The following EPC2 variants were observed in gnomAD, a reference collection of about 807,000 sequenced individuals.
EPC2 encodes enhancer of polycomb homolog 2.
In EPC2, 14 loss-of-function variants were observed where a neutral mutation model predicts 92.1. The observed-to-expected ratio is 0.15, with a 90% CI of 0.10 to 0.24. The LOEUF (loss-of-function observed/expected upper bound fraction) is 0.24. Among genes scored for constraint, EPC2 ranks in the 10% least tolerant of loss-of-function variants. EPC2 has a pLI of 1.00. For synonymous variants in EPC2, 340 were observed against 334.7 expected (o/e 1.02, Z -0.17); for missense variants, 755 against 971.5 (o/e 0.78, Z 2.96).
At chr2:148,685,398 C>G (rs1012452522) in intron 1 of EPC2, among the ~76,000 whole-genome samples, 1 of 152,104 alleles carries the variant, frequency 6.6e-6, no homozygotes, top group Non-Finnish European at 1.5e-5. Context: ...TGGTTCCAAG[C>G]CACCACAATA....
intron 1 of EPC2, among the ~76,000 whole-genome samples, chr2:148,646,175 C>T (rs1297403865): frequency 6.6e-6 from 1 of 152,114 alleles, no homozygotes; most frequent in South Asian, 2.1e-4. Flanking sequence ...TATTGTCAAC[C>T]TCGGGTGTGT....
At chr2:148,773,644 G>C (rs1307489866) in intron 10 of EPC2, among the ~76,000 whole-genome samples, 1 of 151,978 alleles carries the variant, frequency 6.6e-6, no homozygotes, top group Admixed American at 6.6e-5. Flanking sequence ...GATGTCTTTT[G>C]TTTTAAAATA....
At chr2:148,683,297 T>C (rs1235078294) in intron 1 of EPC2, among the ~76,000 whole-genome samples, 2 of 151,824 alleles carry the variant, frequency 1.3e-5, no homozygotes, top group African/African-American at 4.8e-5. Context: ...AGATGGAGTC[T>C]TGCTGTGTTG....
chr2:148,735,317 T>G (rs1682728874), intron 2 of EPC2, among the ~76,000 whole-genome samples: 1 of 152,090 alleles, frequency 6.6e-6, no homozygotes, highest in Non-Finnish European at 1.5e-5. Context: ...CTTGTTACTG[T>G]GAAACTTTAC....
intron 1 of EPC2, among the ~76,000 whole-genome samples, chr2:148,671,009 T>C (rs1368467531): frequency 3.3e-5 from 5 of 152,172 alleles, no homozygotes; most frequent in Admixed American, 6.5e-5. Context: ...TCTTGACTAA[T>C]ACATGAACAA....
intron 1 of EPC2, among the ~76,000 whole-genome samples, chr2:148,660,766 T>A (rs980009713): frequency 6.6e-6 from 1 of 152,010 alleles, no homozygotes; most frequent in East Asian, 1.9e-4. Context: ...TTTAAAAAAA[T>A]AATCTTTTCT....
At chr2:148,774,707 A>G (rs1683592763) in intron 10 of EPC2, among the ~76,000 whole-genome samples, 1 of 151,482 alleles carries the variant, frequency 6.6e-6, no homozygotes, top group Non-Finnish European at 1.5e-5. Flanking sequence ...TAGATGTTAG[A>G]ACTAAAACTA....
At chr2:148,713,366 G>T (rs754667194) in intron 2 of EPC2, among the ~76,000 whole-genome samples, 16 of 152,034 alleles carry the variant, frequency 1.1e-4, no homozygotes, top group Non-Finnish European at 1.6e-4. Flanking sequence ...TTATAAATAA[G>T]AAAAAGCTTA....
At chr2:148,761,229 G>A (rs1182830594) in intron 4 of EPC2, among the ~76,000 whole-genome samples, 2 of 152,160 alleles carry the variant, frequency 1.3e-5, no homozygotes, top group African/African-American at 2.4e-5. Flanking sequence ...AAAATTGACA[G>A]TCCGATTTCT....
intron 2 of EPC2, among the ~76,000 whole-genome samples, chr2:148,720,874 C>T (rs1269638493): frequency 2.6e-5 from 4 of 152,162 alleles, no homozygotes; most frequent in African/African-American, 9.7e-5. Flanking sequence ...AGTATTCACT[C>T]GCCGCTTTCG....
intron 1 of EPC2, among the ~76,000 whole-genome samples, chr2:148,670,841 G>T (rs1264854292): frequency 4.6e-5 from 7 of 151,880 alleles, no homozygotes; most frequent in African/African-American, 1.5e-4. Context: ...TAGCTGGCAC[G>T]TGCCACCTAT....
chr2:148,740,997 T>C (rs1682869910), intron 2 of EPC2, among the ~76,000 whole-genome samples: 1 of 152,150 alleles, frequency 6.6e-6, no homozygotes, highest in Non-Finnish European at 1.5e-5. Flanking sequence ...GCAGATTAGA[T>C]TGACTTTTTA....
intron 2 of EPC2, among the ~76,000 whole-genome samples, chr2:148,730,450 A>C (rs1682594168): frequency 6.6e-6 from 1 of 152,222 alleles, no homozygotes; most frequent in African/African-American, 2.4e-5. Flanking sequence ...TTTAGAGCAA[A>C]GACTGTGGGT....
intron 4 of EPC2, among the ~76,000 whole-genome samples, chr2:148,760,949 G>A (rs2105422538): frequency 6.6e-6 from 1 of 152,288 alleles, no homozygotes. Flanking sequence ...GCATAGATTG[G>A]AGAGGTGGTA....
At chr2:148,762,541 C>T in intron 5 of EPC2, 129 bp from the exon 6 acceptor site, 2 of 672,994 alleles carry the variant, frequency 3.0e-6, no homozygotes, top group African/African-American at 1.8e-5. Context: ...CAAATTTTAT[C>T]TTTTAAAAGT....
chr2:148,685,127 T>G (rs916879462), intron 1 of EPC2, among the ~76,000 whole-genome samples: 1 of 152,160 alleles, frequency 6.6e-6, no homozygotes, highest in Non-Finnish European at 1.5e-5. Context: ...TTCTTGATAG[T>G]AATCATTTAT....
At chr2:148,665,666 A>G (rs1009816963) in intron 1 of EPC2, among the ~76,000 whole-genome samples, 8 of 152,188 alleles carry the variant, frequency 5.3e-5, no homozygotes, top group Admixed American at 2.0e-4. Context: ...TTTTCTGCAC[A>G]AGATTGTTTT....
At chr2:148,766,984 G>GACC (rs1683422213) in intron 7 of EPC2, among the ~76,000 whole-genome samples, 1 of 152,096 alleles carries the variant, frequency 6.6e-6, no homozygotes, top group African/African-American at 2.4e-5. Context: ...AGGACTTGGA[G>GACC]ACCAGCCTGG....
At chr2:148,710,966 C>G (rs1682129083) in intron 2 of EPC2, among the ~76,000 whole-genome samples, 1 of 152,120 alleles carries the variant, frequency 6.6e-6, no homozygotes, top group South Asian at 2.1e-4. Context: ...ATATCCTCCA[C>G]TATATTTCAT....
Sources: allele counts gnomAD v4.1 joint callset (sites outside exome capture counted in the v4.1 genomes callset), GRCh38; gene constraint gnomAD v4.1.1; transcripts MANE v1.5; gene names NCBI Gene and HGNC (gene_info 2026-07-23, HGNC 2026-07-21).